Variants in AVEN observed in about 807,000 individuals in gnomAD.
AVEN encodes apoptosis and caspase activation inhibitor, also known as cell death regulator Aven.
In AVEN, 41 loss-of-function variants were observed where a neutral mutation model predicts 38.1. The observed-to-expected ratio is 1.08, with a 90% CI of 0.84 to 1.40. AVEN has a LOEUF of 1.40. Among genes scored for constraint, AVEN ranks in the 40% most tolerant of loss-of-function variants. The pLI is 0.00. For missense variants in AVEN, 605 were observed against 438.8 expected (o/e 1.38, Z -3.38); for synonymous variants, 206 against 171.8 (o/e 1.20, Z -1.56).
intron 2 of AVEN, among the ~76,000 whole-genome samples, chr15:33,907,803 A>G (rs1011285774): frequency 1.4e-4 from 21 of 151,998 alleles, no homozygotes; most frequent in African/African-American, 4.8e-4. Flanking sequence ...AAAAAAAAAA[A>G]ACTATATGGA....
intron 2 of AVEN, among the ~76,000 whole-genome samples, chr15:33,998,674 C>A (rs1897026995): frequency 6.6e-6 from 1 of 152,166 alleles, no homozygotes; most frequent in Non-Finnish European, 1.5e-5. Flanking sequence ...CAATAACCTT[C>A]CTGTTAAATT....
chr15:33,860,517 AAGT>A, intron 11 of AVEN: 1 of 830,108 alleles, frequency 1.2e-6, no homozygotes, highest in Non-Finnish European at 1.8e-6. Context: ...TAACAGAACA[AAGT>A]AGCTTCTTCC....
At chr15:33,867,271 G>C (rs1230112347) in intron 5 of AVEN, among the ~76,000 whole-genome samples, 1 of 152,198 alleles carries the variant, frequency 6.6e-6, no homozygotes, top group African/African-American at 2.4e-5. Context: ...ACTGCAGTCA[G>C]GCAGGTAGCA....
At chr15:33,915,148 G>A (rs993140626) in intron 2 of AVEN, among the ~76,000 whole-genome samples, 1 of 152,122 alleles carries the variant, frequency 6.6e-6, no homozygotes, top group Non-Finnish European at 1.5e-5. Context: ...GGGAGATGGG[G>A]GAAAATGGTA....
intron 2 of AVEN, among the ~76,000 whole-genome samples, chr15:33,988,545 G>C (rs182704367): frequency 6.6e-6 from 1 of 152,266 alleles, no homozygotes; most frequent in East Asian, 1.9e-4. Context: ...GGAAATGACA[G>C]CACTGATGAC....
chr15:33,927,664 TA>T (rs1470365631), intron 2 of AVEN, among the ~76,000 whole-genome samples: 7 of 152,238 alleles, frequency 4.6e-5, no homozygotes, highest in African/African-American at 1.7e-4. Flanking sequence ...CATGTTTCTG[TA>T]GAATTTGGAG....
intron 2 of AVEN, among the ~76,000 whole-genome samples, chr15:33,882,034 G>A (rs1450728185): frequency 6.6e-6 from 1 of 152,184 alleles, no homozygotes; most frequent in East Asian, 1.9e-4. Flanking sequence ...AAAGAACTAG[G>A]AAGCTCAAAG....
chr15:33,914,254 G>T (rs1893031714), intron 2 of AVEN, among the ~76,000 whole-genome samples: 1 of 151,858 alleles, frequency 6.6e-6, no homozygotes, highest in Non-Finnish European at 1.5e-5. Flanking sequence ...TAGCAGCTAG[G>T]AACACACTGA....
At chr15:34,007,326 A>G (rs1897400468) in intron 1 of AVEN, among the ~76,000 whole-genome samples, 1 of 152,252 alleles carries the variant, frequency 6.6e-6, no homozygotes, top group Non-Finnish European at 1.5e-5. Flanking sequence ...CTTTCTAATA[A>G]TAAGAATTGT....
At chr15:33,907,170 G>C (rs990027893) in intron 2 of AVEN, among the ~76,000 whole-genome samples, 3 of 152,130 alleles carry the variant, frequency 2.0e-5, no homozygotes, top group Non-Finnish European at 2.9e-5. Context: ...AATATCAGCA[G>C]GATAGACCCT....
chr15:33,964,518 AT>A (rs1160425605), intron 2 of AVEN, among the ~76,000 whole-genome samples: 1 of 152,194 alleles, frequency 6.6e-6, no homozygotes, highest in Non-Finnish European at 1.5e-5. Context: ...AAGAAAAAAA[AT>A]GCAATCGTTT....
chr15:34,062,698 T>C lies in AVEN; in HGVS notation n.1637+224A>G, dbSNP rs749692270. The C allele has an allele frequency of 2.0e-5, 32 of 1,589,424 alleles. No individual in the cohort carries two copies. In the South Asian group the frequency reaches 3.6e-4, roughly 18 times the overall value. The stretch of plus-strand genomic sequence containing the variant: ...CAGCCTAGAACCTAACACTATTTAC[T>C]GTAAAATTTTTGCACCAGGATGGAA... On this transcript the variant is annotated intron_variant and non_coding_transcript_variant, in intron 5 of 11. Transcript: ENST00000675287.
At chr15:33,998,588 C>T (rs769407415) in intron 2 of AVEN, among the ~76,000 whole-genome samples, 1 of 152,214 alleles carries the variant, frequency 6.6e-6, no homozygotes, top group Non-Finnish European at 1.5e-5. Flanking sequence ...TCTCAAACAT[C>T]TCTTCCCACA....
chr15:34,072,312 G>T (rs1419868327), intron 1 of AVEN, among the ~76,000 whole-genome samples: 1 of 148,488 alleles, frequency 6.7e-6, no homozygotes, highest in Non-Finnish European at 1.5e-5. Context: ...AAACAAATAA[G>T]CAAATAAAAA....
chr15:33,996,662 T>A (rs1336169707), intron 2 of AVEN, among the ~76,000 whole-genome samples: 1 of 152,002 alleles, frequency 6.6e-6, no homozygotes. Flanking sequence ...AGCATCAACA[T>A]CAACAAAAAG....
chr15:33,970,308 C>A (rs755999014), intron 2 of AVEN, among the ~76,000 whole-genome samples: 1 of 151,804 alleles, frequency 6.6e-6, no homozygotes, highest in Non-Finnish European at 1.5e-5. Flanking sequence ...TATAAATAAC[C>A]TTAAATATCA....
intron 2 of AVEN, among the ~76,000 whole-genome samples, chr15:33,933,447 A>C (rs540591065): frequency 1.3e-5 from 2 of 150,834 alleles, no homozygotes; most frequent in South Asian, 2.1e-4. Flanking sequence ...AAACACTCCA[A>C]TTGAATTAGG....
At chr15:33,933,524 CAGAGAGAGAG>C (rs3086294) in intron 2 of AVEN, among the ~76,000 whole-genome samples, 695 of 46,326 alleles carry the variant, frequency 0.015, 3 homozygotes, top group African/African-American at 0.027. Context: ...CACACACACA[CAGAGAGAGAG>C]AGAGAGAGAG....
downstream of AVEN, chr15:33,865,291 T>TACAGTTCTGCA (rs1156813017): frequency 1.7e-6 from 2 of 1,150,034 alleles, no homozygotes. Context: ...GTCCCCTTTT[T>TACAGTTCTGCA]ACAGTTCTGC....
Sources: gnomAD v4.1 joint callset for allele counts (sites outside exome capture counted in the v4.1 genomes callset) on GRCh38, gnomAD v4.1.1 for gene constraint, MANE v1.5 for transcripts, NCBI Gene and HGNC (gene_info 2026-07-23, HGNC 2026-07-21) for gene names.